SPHKAP: variants seen among roughly 807,000 people sequenced by gnomAD.
The protein encoded by SPHKAP is A-kinase anchor protein SPHKAP.
Under a neutral mutation model 137.5 loss-of-function variants are expected in SPHKAP, and 67 were observed. The observed-to-expected ratio is 0.49, with a 90% CI of 0.40 to 0.60. The LOEUF is 0.60. Ranked by LOEUF, SPHKAP falls within the 20% of genes least tolerant of loss-of-function variation. The pLI is 0.00. For synonymous variants in SPHKAP, 813 were observed against 785.3 expected, an observed-to-expected ratio of 1.04 and a Z score of -0.59; for missense variants, 2,097 against 2,069.3, an observed-to-expected ratio of 1.01 and a Z score of -0.26.
At chr2:228,152,968 T>G (rs768782464) in intron 1 of SPHKAP, among the ~76,000 whole-genome samples, 1 of 152,126 alleles carries the variant, frequency 6.6e-6, no homozygotes, top group East Asian at 1.9e-4. Flanking sequence ...GTTTCCCCTA[T>G]AACTGTTCTC....
At chr2:228,020,392 A>C (rs1694793091) in intron 6 of SPHKAP, 3 of 183,204 alleles carry the variant, frequency 1.6e-5, no homozygotes, top group Non-Finnish European at 3.1e-5. Context: ...CAGCCATAAA[A>C]AAAGGATGAG....
At chr2:228,091,911 C>T (rs896971563) in intron 3 of SPHKAP, among the ~76,000 whole-genome samples, 1 of 152,014 alleles carries the variant, frequency 6.6e-6, no homozygotes, top group Non-Finnish European at 1.5e-5. Context: ...AGCAATCCCA[C>T]TACTGGGTAT....
At chr2:228,007,515 T>C (rs1447137434) in intron 7 of SPHKAP, among the ~76,000 whole-genome samples, 6 of 152,102 alleles carry the variant, frequency 3.9e-5, no homozygotes, top group Non-Finnish European at 7.4e-5. Context: ...TTTTACTCTC[T>C]CCTTCTATGA....
At chr2:228,134,866 A>G (rs1349573550) in intron 1 of SPHKAP, among the ~76,000 whole-genome samples, 6 of 152,158 alleles carry the variant, frequency 3.9e-5, no homozygotes, top group Non-Finnish European at 5.9e-5. Context: ...GTACTAAGAC[A>G]TCTCCCATGA....
At chr2:228,027,976 A>AT in intron 3 of SPHKAP, 1 of 966,968 alleles carries the variant, frequency 1.0e-6, no homozygotes, top group Non-Finnish European at 1.2e-6. Context: ...AAAAAAAAAA[A>AT]GAAAAAAGAA....
chr2:228,172,889 T>C (rs1246143166), intron 1 of SPHKAP: 1 of 224,952 alleles, frequency 4.4e-6, no homozygotes, highest in African/African-American at 2.3e-5. Context: ...ATATCCCTTC[T>C]GTGCACTTTG....
rs1692992404 is a variant in SPHKAP, at chr2:227,981,524, T to A, written c.*193A>T. The A allele has an allele frequency of 2.0e-6, 1 of 504,208 alleles. No homozygotes were observed. Among genetic ancestry groups the A allele is most frequent in the Non-Finnish European group, 3.2e-6 (1 of 312,192 alleles). 31.2% of individuals were successfully genotyped at this position (504,208 alleles called of 1,614,324 possible). On this transcript the variant is annotated 3_prime_UTR_variant, in exon 12 of 12. Transcript: ENST00000392056. The stretch of plus-strand genomic sequence containing the variant: ...CTTTGGAACTCACCCACAAGTTGTA[T>A]GAATTTGGACAGACCTATATTTTGC...
chr2:227,987,625 T>C (rs1214939510), intron 11 of SPHKAP, among the ~76,000 whole-genome samples: 1 of 152,210 alleles, frequency 6.6e-6, no homozygotes, highest in Non-Finnish European at 1.5e-5. Context: ...AGGAGTATAT[T>C]GGGCACTCAG....
Position 228,018,189 on chromosome 2 carries a change from A to G in SPHKAP, c.2665T>C (p.Cys889Arg). 6.2e-7 allele frequency: 1 copy of G among 1,614,176 alleles called. No individual in the cohort carries two copies. Among genetic ancestry groups the G allele is most frequent in the South Asian group, 1.1e-5 (1 of 91,080 alleles). Residue 889 changes from cysteine (C) to arginine (R), a missense_variant, in exon 7 of 12, where the codon TGT becomes CGT. Transcript: ENST00000392056. ...IHPNTQEKYN[C>R]ATSRINEVQV... is the part of the protein sequence containing the mutation. ...ACTTCGTTGATGCGAGATGTGGCAC[A>G]GTTGTACTTTTCTTGGGTGTTTGGG...
chr2:228,028,102 A>T (rs761688379), intron 3 of SPHKAP: 24 of 977,126 alleles, frequency 2.5e-5, no homozygotes, highest in Middle Eastern at 5.2e-4. Context: ...ATACTAAAAA[A>T]GTCTGCTTGT....
chr2:228,015,678 TTAAA>T (rs1338269313), intron 7 of SPHKAP, among the ~76,000 whole-genome samples: 4 of 152,142 alleles, frequency 2.6e-5, no homozygotes, highest in Admixed American at 1.3e-4. Flanking sequence ...AAAAAGCTGT[TTAAA>T]TAACAATACT....
chr2:228,100,215 A>C (rs999150822), intron 3 of SPHKAP, among the ~76,000 whole-genome samples: 3 of 152,328 alleles, frequency 2.0e-5, no homozygotes, highest in African/African-American at 7.2e-5. Context: ...GTTGTTTATC[A>C]GCTCTAGGAG....
intron 1 of SPHKAP, among the ~76,000 whole-genome samples, chr2:228,135,953 C>A (rs1699428632): frequency 6.6e-6 from 1 of 152,140 alleles, no homozygotes. Flanking sequence ...TATGAGTGTG[C>A]ATTTCCAATA....
Position 228,124,357 on chromosome 2 carries a change from G to A in SPHKAP, c.138+7623C>T, listed in dbSNP as rs186559685. On this transcript the variant is annotated intron_variant, in intron 2 of 11. Transcript: ENST00000392056. ...CCAAATGTCCAACAATGATAGACTG[G>A]ATTAAGAAAATGTGGCACATGTACA... is the stretch of plus-strand genomic sequence containing the variant. 2.1e-3 allele frequency among the ~76,000 whole-genome samples: 325 copies of A among 152,076 alleles called. 2 individuals carry two copies. Among genetic ancestry groups the A allele is most frequent in the East Asian group, 3.7e-3 (19 of 5,166 alleles).
intron 3 of SPHKAP, among the ~76,000 whole-genome samples, chr2:228,081,725 T>G (rs1237813154): frequency 6.6e-6 from 1 of 152,184 alleles, no homozygotes; most frequent in South Asian, 2.1e-4. Context: ...TTTGCTGATG[T>G]GTAGAGTTTT....
At chr2:227,983,280 G>C (rs1693073665) in intron 11 of SPHKAP, among the ~76,000 whole-genome samples, 2 of 152,122 alleles carry the variant, frequency 1.3e-5, no homozygotes, top group Non-Finnish European at 2.9e-5. Context: ...CAGCTGTGAT[G>C]GTACCAACTA....
At chr2:228,133,269 T>C (rs71353900) in intron 1 of SPHKAP, among the ~76,000 whole-genome samples, 16,457 of 151,938 alleles carry the variant, frequency 0.11, 1,133 homozygotes, top group East Asian at 0.18. Flanking sequence ...ATGGTGCCAC[T>C]GTACTCCAGC....
At chr2:228,168,224 A>AT (rs1436348090) in intron 1 of SPHKAP, among the ~76,000 whole-genome samples, 1 of 152,058 alleles carries the variant, frequency 6.6e-6, no homozygotes, top group East Asian at 1.9e-4. Context: ...CAAGAAAATT[A>AT]TTTTTTCTGT....
chr2:227,989,401 C>T (rs529982235), intron 11 of SPHKAP, among the ~76,000 whole-genome samples: 11 of 152,204 alleles, frequency 7.2e-5, no homozygotes, highest in Non-Finnish European at 1.3e-4. Context: ...CACATGGAGG[C>T]ACTTTGTGAC....
Sources: allele counts gnomAD v4.1 joint callset (sites outside exome capture counted in the v4.1 genomes callset), GRCh38; gene constraint gnomAD v4.1.1; transcripts MANE v1.5; gene names NCBI Gene and HGNC (gene_info 2026-07-23, HGNC 2026-07-21).